BRD4: variants seen among roughly 807,000 people sequenced by gnomAD.
BRD4 encodes bromodomain containing 4.
A neutral mutation model predicts 142.1 loss-of-function variants in BRD4; 16 were observed. That is an observed-to-expected ratio of 0.11 (90% confidence interval 0.08 to 0.17). The LOEUF (loss-of-function observed/expected upper bound fraction) is 0.17, where lower values mean the gene tolerates loss of function less well. Among genes scored for constraint, BRD4 ranks in the 10% least tolerant of loss-of-function variants. BRD4 has a pLI of 1.00. For missense variants in BRD4, 1,424 were observed against 1,810.9 expected, an observed-to-expected ratio of 0.79 and a Z score of 3.88; for synonymous variants, 833 against 707.5, an observed-to-expected ratio of 1.18 and a Z score of -2.82.
At position 15,237,818 on chromosome 19, in the gene BRD4, G is replaced by C; in HGVS notation, c.*559C>G. The C allele has an allele frequency of 4.3e-6, 1 of 233,832 alleles. No individual in the cohort carries two copies. The highest frequency in any genetic ancestry group is 8.4e-6 in the Non-Finnish European group (1 of 118,614). 14.5% of individuals were successfully genotyped at this position (233,832 alleles called of 1,614,324 possible). A position where few individuals can be genotyped will look rare whatever the true frequency, so the allele number is the denominator to read the frequency against. ...TTACAGAGAGCGGCTCTCAATTAAAGGCTTGTGGGGGAGGGTCGGGGGGTC... is the reference window on the plus strand; with the variant it reads ...TTACAGAGAGCGGCTCTCAATTAAACGCTTGTGGGGGAGGGTCGGGGGGTC... On this transcript the variant is annotated 3_prime_UTR_variant, in exon 20 of 20. Transcript: ENST00000679869.
chr19:15,265,340 T>C lies in BRD4; in HGVS notation c.849+14A>G. ...TCCCTGGTGAAGCAGCCCTCCAGAG[T>C]CCAGGAGACTCACCTTCACAGGCTG... is the stretch of plus-strand genomic sequence containing the variant. On this transcript the variant is annotated intron_variant, in intron 5 of 19. Transcript: ENST00000679869. The C allele has an allele frequency of 2.0e-6, 3 of 1,491,240 alleles. No individual in the cohort carries two copies. The highest frequency in any genetic ancestry group is 2.7e-6 in the Non-Finnish European group (3 of 1,122,658). 92.4% of individuals were successfully genotyped at this position (1,491,240 alleles called of 1,614,324 possible).
At chr19:15,285,091 T>C (rs1301605510) in intron 1 of BRD4, among the ~76,000 whole-genome samples, 1 of 152,180 alleles carries the variant, frequency 6.6e-6, no homozygotes, top group African/African-American at 2.4e-5. Context: ...AAGGGAGCCT[T>C]GGATGCAGCC....
intron 1 of BRD4, among the ~76,000 whole-genome samples, chr19:15,313,936 A>G (rs938655160): frequency 2.6e-5 from 4 of 151,870 alleles, no homozygotes; most frequent in African/African-American, 7.3e-5. Flanking sequence ...TGCCGGAAAA[A>G]CTCCATGATG....
intron 1 of BRD4, among the ~76,000 whole-genome samples, chr19:15,318,825 C>G (rs998590136): frequency 2.0e-5 from 3 of 152,200 alleles, no homozygotes; most frequent in African/African-American, 7.2e-5. Flanking sequence ...GCAACAGACC[C>G]ATTCTGGTAC....
At chr19:15,245,197 A>C (rs2047274796) in intron 11 of BRD4, among the ~76,000 whole-genome samples, 1 of 151,864 alleles carries the variant, frequency 6.6e-6, no homozygotes, top group South Asian at 2.1e-4. Context: ...GGGGCTTCAG[A>C]AGGGAGGGGA....
chr19:15,295,774 C>A (rs1001523619), intron 1 of BRD4, among the ~76,000 whole-genome samples: 2 of 152,164 alleles, frequency 1.3e-5, no homozygotes, highest in African/African-American at 2.4e-5. Context: ...AGTTCAAGAC[C>A]AGCCTGGCCA....
At chr19:15,266,310 G>A (rs1001269068) in intron 4 of BRD4, among the ~76,000 whole-genome samples, 15 of 152,334 alleles carry the variant, frequency 9.8e-5, no homozygotes, top group Admixed American at 9.8e-4. Context: ...CATCCTTCGT[G>A]TGCATGCTGG....
intron 1 of BRD4, among the ~76,000 whole-genome samples, chr19:15,324,289 C>G (rs1189990787): frequency 1.3e-5 from 2 of 152,208 alleles, no homozygotes; most frequent in East Asian, 3.8e-4. Context: ...TATTCACATT[C>G]TCTTAATTTG....
chr19:15,256,493 G>A (rs1599452289), intron 8 of BRD4, among the ~76,000 whole-genome samples: 1 of 152,218 alleles, frequency 6.6e-6, no homozygotes, highest in African/African-American at 2.4e-5. Context: ...GACTGCCAGT[G>A]TCTTCCTCAC....
intron 1 of BRD4, among the ~76,000 whole-genome samples, chr19:15,273,684 G>A (rs2047614903): frequency 6.6e-6 from 1 of 152,178 alleles, no homozygotes; most frequent in South Asian, 2.1e-4. Context: ...ACTGCCAAGT[G>A]CTCAGGGCAA....
At chr19:15,256,636 G>C (rs1018771991) in intron 8 of BRD4, among the ~76,000 whole-genome samples, 1 of 152,152 alleles carries the variant, frequency 6.6e-6, no homozygotes, top group Non-Finnish European at 1.5e-5. Context: ...GCTATAGGGA[G>C]AGGAGCAAAC....
At chr19:15,315,877 C>T (rs888363714) in intron 1 of BRD4, among the ~76,000 whole-genome samples, 1 of 151,124 alleles carries the variant, frequency 6.6e-6, no homozygotes, top group Admixed American at 6.6e-5. Context: ...GAGAAGCGGC[C>T]GGGCGCCATG....
At chr19:15,328,667 T>G (rs1397078518) in intron 1 of BRD4, among the ~76,000 whole-genome samples, 1 of 152,236 alleles carries the variant, frequency 6.6e-6, no homozygotes, top group Non-Finnish European at 1.5e-5. Flanking sequence ...CTTCTCCCGT[T>G]TATTCATTGA....
Position 15,305,858 on chromosome 19 carries a change from A to T in BRD4, c.-35+26432T>A, listed in dbSNP as rs2047909512. ...TTTACTGTAGCCACCTTTATCAATT[A>T]TCTTAGCTAGATCTGGATAACTTGC... On this transcript the variant is annotated intron_variant, in intron 1 of 19. Coordinates refer to ENST00000679869, the MANE Select transcript of BRD4 (RefSeq NM_001379291.1). Among the ~76,000 whole-genome samples, 3 of 152,270 alleles carry T rather than the reference A, an allele frequency of 2.0e-5. No homozygotes were observed. In the South Asian group the frequency reaches 6.2e-4, roughly 31 times the overall value.
chr19:15,271,810 G>C (rs1290022028), intron 2 of BRD4, among the ~76,000 whole-genome samples: 1 of 150,034 alleles, frequency 6.7e-6, no homozygotes, highest in Non-Finnish European at 1.5e-5. Flanking sequence ...CCGAGTGCTT[G>C]ACACGTATTC....
At chr19:15,285,939 C>A (rs1024911077) in intron 1 of BRD4, among the ~76,000 whole-genome samples, 2 of 152,122 alleles carry the variant, frequency 1.3e-5, no homozygotes, top group Non-Finnish European at 2.9e-5. Flanking sequence ...GTGAGGAGAG[C>A]CAGAGAGCAA....
intron 11 of BRD4, 162 bp from the exon 12 acceptor site, chr19:15,244,924 G>GAGGGAGAGACATGCGAGGCATCACCTAC: frequency 7.7e-7 from 1 of 1,293,182 alleles, no homozygotes; most frequent in Non-Finnish European, 1.0e-6. Flanking sequence ...CATCACGGGA[G>GAGGGAGAGACATGCGAGGCATCACCTAC]AGGGAGAGAC....
Position 15,265,569 on chromosome 19 carries a change from G to C in BRD4, c.634C>G (p.Gln212Glu), listed in dbSNP as rs1341029749. 3 of 1,614,048 alleles carry C rather than the reference G, an allele frequency of 1.9e-6. No individual in the cohort carries two copies. The highest frequency in any genetic ancestry group is 1.6e-4 in the Middle Eastern group (1 of 6,082). Residue 212 changes from glutamine (Q) to glutamate (E), a missense_variant, in exon 5 of 20, where the codon CAG becomes GAG. By Grantham distance (29) the Gln-to-Glu change is conservative (BLOSUM62 2). Coordinates refer to ENST00000679869, the MANE Select transcript of BRD4 (RefSeq NM_001379291.1). ...ASTPPQTQTP[Q>E]PNPPPVQATP... ...GCCTGCACAGGAGGAGGATTCGGCTGAGGGGTCTGGGTCTGCGGAGGAGTC... is the reference window on the plus strand; with the variant it reads ...GCCTGCACAGGAGGAGGATTCGGCTCAGGGGTCTGGGTCTGCGGAGGAGTC...
chr19:15,291,223 C>T (rs2047779892), intron 1 of BRD4, among the ~76,000 whole-genome samples: 1 of 152,276 alleles, frequency 6.6e-6, no homozygotes, highest in South Asian at 2.1e-4. Context: ...CTAGTTGAGG[C>T]TAGCCAAACA....
Sources: allele counts gnomAD v4.1 joint callset (sites outside exome capture counted in the v4.1 genomes callset), GRCh38; gene constraint gnomAD v4.1.1; transcripts MANE v1.5; gene names NCBI Gene and HGNC (gene_info 2026-07-23, HGNC 2026-07-21).